RUNDC3B: variants seen among roughly 807,000 people sequenced by gnomAD.
RUNDC3B encodes RUN domain-containing protein 3B.
A neutral mutation model predicts 58.4 loss-of-function variants in RUNDC3B; 33 were observed. The observed-to-expected ratio is 0.56, with a 90% CI of 0.43 to 0.75. RUNDC3B has a LOEUF of 0.75. Ranked by LOEUF, RUNDC3B falls within the 30% of genes least tolerant of loss-of-function variation. The pLI is 0.00. For missense variants in RUNDC3B, 501 were observed against 535.7 expected, an observed-to-expected ratio of 0.94 and a Z score of 0.64; for synonymous variants, 193 against 195.2, an observed-to-expected ratio of 0.99 and a Z score of 0.10.
Position 87,742,575 on chromosome 7 carries a change from A to ATAGATAG in RUNDC3B, c.629+996_629+997insTAGATAG, listed in dbSNP as rs1554481536. On this transcript the variant is annotated intron_variant, in intron 6 of 10. Coordinates refer to ENST00000394654, the MANE Select transcript of RUNDC3B (RefSeq NM_001134405.2). ...GCTGCGTAGTATTCCATCATAGATA[A>ATAGATAG]ATAGATAGATAGATAGATAGATAGA... Among the ~76,000 whole-genome samples, 5 of 147,734 alleles carry ATAGATAG rather than the reference A, an allele frequency of 3.4e-5. No individual in the cohort carries two copies. In the South Asian group the frequency reaches 6.6e-4, roughly 20 times the overall value.
intron 1 of RUNDC3B, among the ~76,000 whole-genome samples, chr7:87,634,971 A>AT (rs1821617307): frequency 6.6e-6 from 1 of 152,176 alleles, no homozygotes; most frequent in Admixed American, 6.5e-5. Context: ...ACAAAAGGTC[A>AT]TTTTCTCTTC....
intron 2 of RUNDC3B, among the ~76,000 whole-genome samples, chr7:87,663,283 T>A (rs1824895800): frequency 6.6e-6 from 1 of 152,136 alleles, no homozygotes; most frequent in Non-Finnish European, 1.5e-5. Flanking sequence ...ACAAGGTTCT[T>A]TTCTACTTAA....
Position 87,632,896 on chromosome 7 carries a change from G to T in RUNDC3B, c.122+3951G>T, listed in dbSNP as rs532454757. Among the ~76,000 whole-genome samples the T allele has an allele frequency of 3.3e-5, 5 of 152,230 alleles. No homozygotes were observed. In the East Asian group the frequency reaches 9.6e-4, roughly 29 times the overall value. On this transcript the variant is annotated intron_variant, in intron 1 of 10. Coordinates refer to ENST00000394654, the MANE Select transcript of RUNDC3B (RefSeq NM_001134405.2). ...CAAACTTTTAAGTCAATACTTTTAA[G>T]AGAAACTTCCCATGCAAAGTCATAA...
chr7:87,744,219 A>G lies in RUNDC3B; in HGVS notation c.629+2640A>G, dbSNP rs535177091. 1.9e-4 allele frequency among the ~76,000 whole-genome samples: 29 copies of G among 152,216 alleles called. No individual in the cohort carries two copies. In the South Asian group the frequency reaches 4.1e-3, roughly 22 times the overall value. On this transcript the variant is annotated intron_variant, in intron 6 of 10. Transcript: ENST00000394654. ...ACACTGTTTTGGTGACTAGGGCCAT[A>G]TAGTATAGTTTGAAATCAGATAGGG...
intron 1 of RUNDC3B, among the ~76,000 whole-genome samples, chr7:87,649,804 C>T (rs1021010938): frequency 6.6e-6 from 1 of 152,104 alleles, no homozygotes; most frequent in Admixed American, 6.5e-5. Flanking sequence ...TGGCAGCGGG[C>T]CTTTCCCATG....
intron 7 of RUNDC3B, among the ~76,000 whole-genome samples, chr7:87,775,314 T>C (rs987534902): frequency 3.3e-5 from 5 of 152,224 alleles, no homozygotes; most frequent in African/African-American, 1.2e-4. Context: ...GTTAAAAAGT[T>C]TTTAAAATGT....
chr7:87,706,339 A>G (rs929461766), intron 3 of RUNDC3B, among the ~76,000 whole-genome samples: 1 of 152,128 alleles, frequency 6.6e-6, no homozygotes, highest in African/African-American at 2.4e-5. Flanking sequence ...TTATAAGATC[A>G]GCTTGGTGCT....
At chr7:87,665,101 C>A (rs1349979781) in intron 2 of RUNDC3B, among the ~76,000 whole-genome samples, 1 of 151,974 alleles carries the variant, frequency 6.6e-6, no homozygotes, top group Admixed American at 6.6e-5. Context: ...CTAGCTAGAG[C>A]AATTATGCAA....
chr7:87,751,627 A>C (rs912991243), intron 6 of RUNDC3B, among the ~76,000 whole-genome samples: 1 of 152,006 alleles, frequency 6.6e-6, no homozygotes, highest in African/African-American at 2.4e-5. Flanking sequence ...TAGGTATTTT[A>C]TTCTCTTTGA....
chr7:87,632,158 T>C (rs569112251), intron 1 of RUNDC3B, among the ~76,000 whole-genome samples: 22 of 152,240 alleles, frequency 1.4e-4, no homozygotes, highest in Non-Finnish European at 2.6e-4. Context: ...GTGTATCCAC[T>C]TATACTTTCA....
intron 6 of RUNDC3B, among the ~76,000 whole-genome samples, chr7:87,769,067 C>T (rs1834127007): frequency 6.6e-6 from 1 of 152,160 alleles, no homozygotes; most frequent in African/African-American, 2.4e-5. Flanking sequence ...GTGGCACAAT[C>T]TCAGCTTACT....
chr7:87,668,187 A>G (rs929740931), intron 2 of RUNDC3B, among the ~76,000 whole-genome samples: 1 of 151,166 alleles, frequency 6.6e-6, no homozygotes, highest in Non-Finnish European at 1.5e-5. Flanking sequence ...CTGCTCAGGG[A>G]ATCAGTTTCT....
chr7:87,653,775 T>G (rs1400406228), intron 2 of RUNDC3B, among the ~76,000 whole-genome samples: 1 of 152,036 alleles, frequency 6.6e-6, no homozygotes, highest in East Asian at 1.9e-4. Flanking sequence ...TTCTTTAATC[T>G]TCTGGAACCA....
intron 6 of RUNDC3B, among the ~76,000 whole-genome samples, chr7:87,758,020 CTT>C (rs1486420742): frequency 1.3e-5 from 2 of 152,102 alleles, no homozygotes; most frequent in African/African-American, 4.8e-5. Flanking sequence ...GCATTAAAGA[CTT>C]AAATTTAAGA....
chr7:87,774,170 T>C (rs1834490700), intron 7 of RUNDC3B, among the ~76,000 whole-genome samples: 2 of 152,140 alleles, frequency 1.3e-5, no homozygotes, highest in African/African-American at 4.8e-5. Flanking sequence ...AAAAATTGTC[T>C]AAATTATAGG....
At chr7:87,641,974 A>G (rs75635405) in intron 1 of RUNDC3B, among the ~76,000 whole-genome samples, 1,935 of 152,208 alleles carry the variant, frequency 0.013, 43 homozygotes, top group African/African-American at 0.044. Context: ...TCATAAATCA[A>G]TCACAAAACA....
At chr7:87,736,833 A>T (rs1310252656) in intron 4 of RUNDC3B, among the ~76,000 whole-genome samples, 1 of 129,234 alleles carries the variant, frequency 7.7e-6, no homozygotes, top group African/African-American at 2.8e-5. Context: ...TGTTATATAT[A>T]TGTATGTGTG....
In RUNDC3B at chr7:87,698,208, T is replaced by C. The variant is rs372195275; in HGVS notation, c.239-2213T>C. 2.6e-5 allele frequency among the ~76,000 whole-genome samples: 4 copies of C among 152,306 alleles called. No homozygotes were observed. In the East Asian group the frequency reaches 5.8e-4, roughly 22 times the overall value. On this transcript the variant is annotated intron_variant, in intron 2 of 10. Coordinates refer to ENST00000394654, the MANE Select transcript of RUNDC3B (RefSeq NM_001134405.2). ...TCCACCTCCCGGGTTCACGCCATTC[T>C]CCTGCCTCAGCCTCCCGAGTAGCTG... is the stretch of plus-strand genomic sequence containing the variant.
At chr7:87,713,831 AT>A (rs1830307100) in intron 4 of RUNDC3B, among the ~76,000 whole-genome samples, 2 of 152,178 alleles carry the variant, frequency 1.3e-5, no homozygotes, top group African/African-American at 4.8e-5. Context: ...AAAATTGAAA[AT>A]GTAACAAGAA....
Sources: allele counts gnomAD v4.1 joint callset (sites outside exome capture counted in the v4.1 genomes callset), GRCh38; gene constraint gnomAD v4.1.1; transcripts MANE v1.5; gene names NCBI Gene and HGNC (gene_info 2026-07-23, HGNC 2026-07-21).